The following ADAM17 variants were observed in gnomAD, a reference collection of about 807,000 sequenced individuals.
ADAM17 encodes disintegrin and metalloproteinase domain-containing protein 17.
In ADAM17, 39 loss-of-function variants were observed where a neutral mutation model predicts 96.7. That is an observed-to-expected ratio of 0.40 (90% CI 0.31 to 0.53). The LOEUF (loss-of-function observed/expected upper bound fraction) is 0.53, where lower values mean the gene tolerates loss of function less well. Ranked by LOEUF, ADAM17 falls within the 20% of genes least tolerant of loss-of-function variation. The pLI is 0.44. For synonymous variants in ADAM17, 344 were observed against 359.2 expected, an observed-to-expected ratio of 0.96 and a Z score of 0.48; for missense variants, 777 against 1,013.2, an observed-to-expected ratio of 0.77 and a Z score of 3.17.
intron 8 of ADAM17, among the ~76,000 whole-genome samples, chr2:9,519,912 TA>T (rs1664239430): frequency 6.6e-6 from 1 of 152,228 alleles, no homozygotes; most frequent in Non-Finnish European, 1.5e-5. Context: ...TCAGCTGGAA[TA>T]AACAGTAACA....
At chr2:9,514,581 A>G (rs1449018162) in intron 10 of ADAM17, among the ~76,000 whole-genome samples, 1 of 139,822 alleles carries the variant, frequency 7.2e-6, no homozygotes, top group East Asian at 2.2e-4. Context: ...ATAAAAAGAG[A>G]CAGGGTCTCA....
At chr2:9,542,865 T>C (rs1408802573) in intron 2 of ADAM17, among the ~76,000 whole-genome samples, 1 of 152,116 alleles carries the variant, frequency 6.6e-6, no homozygotes, top group Non-Finnish European at 1.5e-5. Context: ...GCCTAATTTT[T>C]GTACTTTTAG....
intron 8 of ADAM17, among the ~76,000 whole-genome samples, chr2:9,520,770 C>T (rs1230714768): frequency 6.6e-6 from 1 of 151,790 alleles, no homozygotes; most frequent in African/African-American, 2.4e-5. Context: ...TCAAGACCAG[C>T]CTGACCAACA....
chr2:9,508,492 A>G (rs146320445), intron 11 of ADAM17, among the ~76,000 whole-genome samples: 41 of 152,384 alleles, frequency 2.7e-4, no homozygotes, highest in African/African-American at 9.1e-4. Flanking sequence ...GATTTCTAAT[A>G]ACTTTACCAA....
chr2:9,496,716 T>C (rs1167746952), intron 14 of ADAM17, among the ~76,000 whole-genome samples: 1 of 152,002 alleles, frequency 6.6e-6, no homozygotes, highest in Admixed American at 6.6e-5. Context: ...TCTGGTGGAG[T>C]TGTTGCAGGA....
chr2:9,550,768 T>C (rs1665565190), intron 1 of ADAM17, among the ~76,000 whole-genome samples: 1 of 151,332 alleles, frequency 6.6e-6, no homozygotes, highest in Non-Finnish European at 1.5e-5. Context: ...ATCAAAAGAA[T>C]AGGTAACTGG....
At chr2:9,516,697 G>A (rs1664076197) in intron 10 of ADAM17, among the ~76,000 whole-genome samples, 1 of 152,106 alleles carries the variant, frequency 6.6e-6, no homozygotes, top group Non-Finnish European at 1.5e-5. Flanking sequence ...AGGTTACAGT[G>A]AGCCAAGATG....
chr2:9,491,708 C>T (rs1386630503), intron 17 of ADAM17, among the ~76,000 whole-genome samples: 2 of 152,196 alleles, frequency 1.3e-5, no homozygotes, highest in East Asian at 3.8e-4. Flanking sequence ...CTGCCCCATC[C>T]CTGCCTGTGG....
intron 3 of ADAM17, among the ~76,000 whole-genome samples, 160 bp downstream of exon 3, chr2:9,536,538 C>G (rs1664968131): frequency 6.6e-6 from 1 of 152,112 alleles, no homozygotes; most frequent in African/African-American, 2.4e-5. Context: ...TTAGAATGTT[C>G]CTGCCTCTAA....
chr2:9,542,603 T>G (rs140316837), intron 2 of ADAM17, among the ~76,000 whole-genome samples: 65 of 152,046 alleles, frequency 4.3e-4, no homozygotes, highest in African/African-American at 1.5e-3. Context: ...TAATTTAAAT[T>G]ATGTTAGAAT....
chr2:9,548,540 T>A (rs544579984), intron 1 of ADAM17, among the ~76,000 whole-genome samples: 1 of 151,230 alleles, frequency 6.6e-6, no homozygotes, highest in Non-Finnish European at 1.5e-5. Flanking sequence ...GACAATTGCA[T>A]GCTGAAAGAT....
intron 12 of ADAM17, among the ~76,000 whole-genome samples, chr2:9,502,677 GA>G (rs1663077590): frequency 1.3e-5 from 2 of 151,948 alleles, no homozygotes; most frequent in Admixed American, 6.6e-5. Context: ...AGGAGAGTTC[GA>G]GATGAGCCTG....
At position 9,527,843 on chromosome 2, in the gene ADAM17, T is replaced by C. The variant is rs761424749; in HGVS notation, c.562A>G (p.Lys188Glu). 9 of 1,606,422 alleles carry C rather than the reference T, an allele frequency of 5.6e-6. No homozygotes were observed. In the African/African-American group the frequency reaches 8.0e-5, roughly 14 times the overall value. Residue 188 changes from lysine to glutamate, a missense_variant, in exon 5 of 19, where the codon AAA becomes GAA. This residue lies in a region of ADAM17 where 446 missense variants were observed against 664.7 expected (regional missense o/e 0.67). Coordinates refer to ENST00000310823, the MANE Select transcript of ADAM17 (RefSeq NM_003183.6). ...LQSPKVCGYL[K>E]VDNEELLPKG... is the part of the protein sequence containing the mutation. ...GGGAGCAACTCTTCATTATCCACTT[T>C]TAAATAACCACACACTTTTGGAGAC...
At chr2:9,537,876 AGAGGGGAGGG>A (rs1256562098) in intron 2 of ADAM17, among the ~76,000 whole-genome samples, 3 of 63,586 alleles carry the variant, frequency 4.7e-5, no homozygotes, top group Middle Eastern at 9.3e-3. Context: ...AGACAGGAAA[AGAGGGGAGGG>A]GAGGGGAGGG....
chr2:9,511,098 CAT>C (rs759317713), intron 10 of ADAM17, among the ~76,000 whole-genome samples: 1 of 152,072 alleles, frequency 6.6e-6, no homozygotes, highest in Admixed American at 6.6e-5. Context: ...GGCCCAATCA[CAT>C]GTCTGTTAAA....
At chr2:9,509,094 C>A (rs1266340868) in intron 11 of ADAM17, among the ~76,000 whole-genome samples, 1 of 152,138 alleles carries the variant, frequency 6.6e-6, no homozygotes, top group African/African-American at 2.4e-5. Context: ...AGTAATCTTG[C>A]CCTCTGTGTC....
At chr2:9,512,405 T>G (rs1663793401) in intron 10 of ADAM17, 1 of 152,228 alleles carries the variant, frequency 6.6e-6, no homozygotes, top group South Asian at 2.1e-4. Context: ...CGTGAGCTAC[T>G]GTACACACAT....
chr2:9,516,466 T>A (rs1269456554), intron 10 of ADAM17, among the ~76,000 whole-genome samples: 1 of 152,148 alleles, frequency 6.6e-6, no homozygotes, highest in Non-Finnish European at 1.5e-5. Flanking sequence ...ACACCAAGTA[T>A]AACATCATAG....
intron 15 of ADAM17, among the ~76,000 whole-genome samples, chr2:9,494,086 AGAT>A (rs2124964544): frequency 6.6e-6 from 1 of 152,342 alleles, no homozygotes; most frequent in Non-Finnish European, 1.5e-5. Context: ...AGTTTGCTAA[AGAT>A]GAGGCATTCC....
Sources: allele counts gnomAD v4.1 joint callset (sites outside exome capture counted in the v4.1 genomes callset), GRCh38; gene constraint gnomAD v4.1.1; regional missense constraint gnomAD v4.1.1; transcripts MANE v1.5; gene names NCBI Gene and HGNC (gene_info 2026-07-23, HGNC 2026-07-21).